RBFOX1: variants seen among roughly 807,000 people sequenced by gnomAD.
The protein encoded by RBFOX1 is RNA binding fox-1 homolog 1.
Under a neutral mutation model 57.7 loss-of-function variants are expected in RBFOX1, and 8 were observed. The observed-to-expected ratio is 0.14, with a 90% CI of 0.08 to 0.25. The LOEUF is 0.25. Ranked by LOEUF, RBFOX1 falls within the 10% of genes least tolerant of loss-of-function variation. The pLI, the probability that RBFOX1 is intolerant of heterozygous loss-of-function variation, is 1.00. For missense variants in RBFOX1, 611 were observed against 548.5 expected (o/e 1.11, Z -1.14); for synonymous variants, 326 against 222.4 (o/e 1.47, Z -4.15).
intron 4 of RBFOX1, among the ~76,000 whole-genome samples, chr16:6,003,133 G>T (rs558454538): frequency 1.3e-5 from 2 of 152,056 alleles, no homozygotes; most frequent in East Asian, 1.9e-4. Flanking sequence ...CAAAAAATTA[G>T]CTGGGCGTGG....
chr16:6,638,295 G>C (rs1476232815), intron 2 of RBFOX1, among the ~76,000 whole-genome samples: 1 of 152,088 alleles, frequency 6.6e-6, no homozygotes, highest in Non-Finnish European at 1.5e-5. Flanking sequence ...GCTCATGTAA[G>C]AATTAAAATT....
chr16:6,554,109 A>C (rs1477786998), intron 2 of RBFOX1, among the ~76,000 whole-genome samples: 1 of 152,220 alleles, frequency 6.6e-6, no homozygotes, highest in Admixed American at 6.5e-5. Context: ...AATGAAAATA[A>C]CAAAGTGTTA....
intron 1 of RBFOX1, among the ~76,000 whole-genome samples, chr16:6,236,755 TATG>T (rs2097507994): frequency 6.6e-6 from 1 of 152,126 alleles, no homozygotes; most frequent in African/African-American, 2.4e-5. Flanking sequence ...CTGGCCTTAT[TATG>T]ATGTATTTTT....
chr16:7,599,796 C>T (rs1222016302), intron 9 of RBFOX1, among the ~76,000 whole-genome samples: 1 of 72,548 alleles, frequency 1.4e-5, no homozygotes, highest in African/African-American at 5.8e-5. Flanking sequence ...CAATGCCTGG[C>T]TAGTTTTTTT....
chr16:6,556,218 C>G (rs141115454), intron 2 of RBFOX1, among the ~76,000 whole-genome samples: 62 of 152,294 alleles, frequency 4.1e-4, no homozygotes, highest in African/African-American at 1.3e-3. Flanking sequence ...TGTTCTTTAT[C>G]AACGTCTCTC....
At chr16:6,525,277 A>G (rs1484089437) in intron 2 of RBFOX1, among the ~76,000 whole-genome samples, 1 of 152,222 alleles carries the variant, frequency 6.6e-6, no homozygotes, top group Non-Finnish European at 1.5e-5. Flanking sequence ...CTGCAGAATT[A>G]TCAAATCCTA....
intron 1 of RBFOX1, among the ~76,000 whole-genome samples, chr16:6,088,411 A>G (rs551661453): frequency 6.6e-6 from 1 of 152,048 alleles, no homozygotes; most frequent in South Asian, 2.1e-4. Context: ...ATTAGGTGAA[A>G]TTTTCTAGCT....
At chr16:6,706,605 A>G (rs1472797130) in intron 3 of RBFOX1, among the ~76,000 whole-genome samples, 1 of 152,042 alleles carries the variant, frequency 6.6e-6, no homozygotes, top group Non-Finnish European at 1.5e-5. Context: ...ATAGAGTTGT[A>G]CTTGTTTCCT....
At chr16:7,193,918 G>A (rs1227150597) in intron 4 of RBFOX1, among the ~76,000 whole-genome samples, 1 of 151,982 alleles carries the variant, frequency 6.6e-6, no homozygotes, top group African/African-American at 2.4e-5. Context: ...TATTCTAGTA[G>A]CAGTTGAAAA....
intron 4 of RBFOX1, among the ~76,000 whole-genome samples, chr16:7,314,416 G>C (rs956039994): frequency 6.6e-6 from 1 of 152,162 alleles, no homozygotes; most frequent in Non-Finnish European, 1.5e-5. Context: ...AAAGAATTTA[G>C]TGCTTTACAA....
intron 14 of RBFOX1, among the ~76,000 whole-genome samples, chr16:7,689,705 G>T (rs553375028): frequency 6.6e-6 from 1 of 151,944 alleles, no homozygotes; most frequent in Non-Finnish European, 1.5e-5. Context: ...AGAAGTAGGG[G>T]CCAACTCAAA....
chr16:6,982,881 T>A (rs534717058), intron 3 of RBFOX1, among the ~76,000 whole-genome samples: 1 of 148,804 alleles, frequency 6.7e-6, no homozygotes, highest in East Asian at 2.0e-4. Flanking sequence ...TAATCCAAGA[T>A]ACTTGGGAGG....
At chr16:6,562,700 G>C (rs914374302) in intron 2 of RBFOX1, among the ~76,000 whole-genome samples, 1 of 152,180 alleles carries the variant, frequency 6.6e-6, no homozygotes, top group African/African-American at 2.4e-5. Flanking sequence ...AGGTGAAACA[G>C]TGATTTATGA....
chr16:7,625,234 G>A (rs1375442159), intron 10 of RBFOX1, among the ~76,000 whole-genome samples: 1 of 152,210 alleles, frequency 6.6e-6, no homozygotes, highest in East Asian at 1.9e-4. Flanking sequence ...GGCACAGGTG[G>A]TGACAAGGAG....
At chr16:6,756,411 G>A (rs980458041) in intron 3 of RBFOX1, among the ~76,000 whole-genome samples, 1 of 152,104 alleles carries the variant, frequency 6.6e-6, no homozygotes, top group Non-Finnish European at 1.5e-5. Context: ...CCTAGGCAAA[G>A]ATTTTATGGC....
chr16:6,548,503 C>A (rs1330782643), intron 2 of RBFOX1, among the ~76,000 whole-genome samples: 4 of 152,168 alleles, frequency 2.6e-5, no homozygotes, highest in Non-Finnish European at 5.9e-5. Flanking sequence ...TTCAGAATTT[C>A]TTCAGTTCCA....
At chr16:7,443,761 G>C (rs148357678) in intron 4 of RBFOX1, among the ~76,000 whole-genome samples, 158 of 152,194 alleles carry the variant, frequency 1.0e-3, no homozygotes, top group Admixed American at 2.4e-3. Context: ...TTTGAGAGTT[G>C]CCCAGAAGAG....
chr16:6,639,428 T>C (rs189047734), intron 2 of RBFOX1, among the ~76,000 whole-genome samples: 129 of 152,288 alleles, frequency 8.5e-4, no homozygotes, highest in African/African-American at 2.7e-3. Context: ...ATTGCATCTT[T>C]TGTGGCCAGT....
rs376892633 is a variant in RBFOX1 at position 6,802,957 on chromosome 16, C to T, written c.-16+148307C>T. On this transcript the variant is annotated intron_variant, in intron 3 of 15. Coordinates refer to ENST00000550418, the MANE Select transcript of RBFOX1 (RefSeq NM_018723.4). ...TATTGAAGAGGGAAGATGGCTTCTT[C>T]CACAACAATTTTTATTTTCTCCTTT... Among the ~76,000 whole-genome samples the T allele has an allele frequency of 8.5e-5, 13 of 152,254 alleles. No homozygotes were observed. In the East Asian group the frequency reaches 1.4e-3, roughly 16 times the overall value.
Sources: gnomAD v4.1 joint callset for allele counts (sites outside exome capture counted in the v4.1 genomes callset) on GRCh38, gnomAD v4.1.1 for gene constraint, MANE v1.5 for transcripts, NCBI Gene and HGNC (gene_info 2026-07-23, HGNC 2026-07-21) for gene names.